RPN1: variants seen among roughly 807,000 people sequenced by gnomAD.
The protein encoded by RPN1 is ribophorin I.
Under a neutral mutation model 55.5 loss-of-function variants are expected in RPN1, and 12 were observed. That is an observed-to-expected ratio of 0.22 (90% CI 0.14 to 0.35). The LOEUF (loss-of-function observed/expected upper bound fraction) is 0.35, where lower values mean the gene tolerates loss of function less well. RPN1 is among the 10% of genes least tolerant of loss of function. The probability of loss-of-function intolerance (pLI) is 1.00; values close to 1 mark genes in which losing one functional copy is unlikely to be tolerated. For missense variants in RPN1, 679 were observed against 761.3 expected (o/e 0.89, Z 1.27); for synonymous variants, 317 against 305.9 (o/e 1.04, Z -0.38).
chr3:128,643,328 CA>C (rs112467322), intron 2 of RPN1, among the ~76,000 whole-genome samples: 179 of 105,092 alleles, frequency 1.7e-3, no homozygotes, highest in Admixed American at 3.2e-3. Context: ...ACTCCATCTC[CA>C]AAAAAAAAAA....
In RPN1 at chr3:128,625,922, A is replaced by G. The variant is rs151268224; in HGVS notation, c.1227T>C (p.Ile409=). The part of the protein sequence containing the change: ...TYLDTFGRPV[I]VAYKKNLVEQ... ...CTACCAGATTTTTCTTGTAGGCAACAATCACAGGGCGGCCAAATGTGTCCA... is the reference window on the plus strand; with the variant it reads ...CTACCAGATTTTTCTTGTAGGCAACGATCACAGGGCGGCCAAATGTGTCCA... The change falls in exon 7 of 10, where the codon ATT becomes ATC. Residue 409 remains isoleucine, a synonymous_variant. Transcript: ENST00000296255. 190 of 1,613,962 alleles carry G rather than the reference A, an allele frequency of 1.2e-4. No individual in the cohort carries two copies. The African/African-American group carries it at 2.3e-3, about 20-fold the overall frequency.
At chr3:128,642,971 C>A (rs746628990) in intron 2 of RPN1, among the ~76,000 whole-genome samples, 1 of 150,948 alleles carries the variant, frequency 6.6e-6, no homozygotes, top group Non-Finnish European at 1.5e-5. Context: ...GAGCCGAGAT[C>A]ACGTGCCATT....
chr3:128,623,091 A>G (rs1325025651), intron 8 of RPN1, among the ~76,000 whole-genome samples: 1 of 152,132 alleles, frequency 6.6e-6, no homozygotes, highest in Non-Finnish European at 1.5e-5. Flanking sequence ...CTACAACACC[A>G]CAAATGTCAA....
At position 128,644,919 on chromosome 3, in the gene RPN1, C is replaced by T; in HGVS notation, c.326G>A (p.Ser109Asn). The change falls in exon 2 of 10, where the codon AGT becomes AAT. Residue 109 changes from serine to asparagine, a missense_variant and splice_region_variant. Transcript: ENST00000296255. ...EVRETKIKGK[S>N]GRFFTVKLPV... is the part of the protein sequence containing the mutation. ...CAAGGTATATTGTTTGTCAGCTTACCTTTTACCCTTAATTTTGGTTTCACG... is the reference window on the plus strand; with the variant it reads ...CAAGGTATATTGTTTGTCAGCTTACTTTTTACCCTTAATTTTGGTTTCACG... 2 of 1,519,370 alleles carry T rather than the reference C, an allele frequency of 1.3e-6. No homozygotes were observed. The highest frequency in any genetic ancestry group is 1.8e-6 in the Non-Finnish European group (2 of 1,093,722). 94.1% of individuals were successfully genotyped at this position (1,519,370 alleles called of 1,614,324 possible).
intron 2 of RPN1, 117 bp downstream of exon 2, chr3:128,644,802 A>G (rs1397100143): frequency 1.5e-6 from 1 of 683,390 alleles, no homozygotes; most frequent in East Asian, 2.6e-5. Flanking sequence ...CTACAAAAAA[A>G]AAACCCTGTA....
At chr3:128,632,912 C>T (rs2811490) in intron 3 of RPN1, among the ~76,000 whole-genome samples, 93,543 of 151,990 alleles carry the variant, frequency 0.62, 28,920 homozygotes, top group East Asian at 0.77. Context: ...GTGCCCAGCC[C>T]GATTTCACTC....
chr3:128,636,875 C>T (rs940722822), intron 3 of RPN1, among the ~76,000 whole-genome samples: 9 of 151,996 alleles, frequency 5.9e-5, no homozygotes, highest in African/African-American at 2.2e-4. Context: ...GTCTAAAATA[C>T]CCATATTTTT....
At chr3:128,649,425 CTA>C (rs1278747708) in intron 1 of RPN1, among the ~76,000 whole-genome samples, 1 of 152,190 alleles carries the variant, frequency 6.6e-6, no homozygotes, top group African/African-American at 2.4e-5. Flanking sequence ...AAGTTTTGAT[CTA>C]TCTTTCCACA....
chr3:128,625,863 G>A lies in RPN1; in HGVS notation c.1275+11C>T. The A allele has an allele frequency of 3.7e-6, 6 of 1,604,956 alleles. No homozygotes were observed. Among genetic ancestry groups the A allele is most frequent in the Non-Finnish European group, 5.1e-6 (6 of 1,175,936 alleles). On this transcript the variant is annotated intron_variant, in intron 7 of 9. Coordinates refer to ENST00000296255, the MANE Select transcript of RPN1 (RefSeq NM_002950.4). The stretch of plus-strand genomic sequence containing the variant: ...AAGACGCCATGGAAGGCAAACAGTG[G>A]AGCCACTCACCACAATGTCCTGAAT...
At chr3:128,637,531 T>A (rs2069689633) in intron 3 of RPN1, among the ~76,000 whole-genome samples, 3 of 152,140 alleles carry the variant, frequency 2.0e-5, no homozygotes, top group Non-Finnish European at 4.4e-5. Flanking sequence ...TTGTCCCTCT[T>A]ACTGCCTCTG....
intron 1 of RPN1, among the ~76,000 whole-genome samples, chr3:128,647,008 C>T (rs187826889): frequency 1.3e-5 from 2 of 151,852 alleles, no homozygotes; most frequent in African/African-American, 4.8e-5. Flanking sequence ...TGGCAAAATA[C>T]CCTTGGGGAG....
intron 1 of RPN1, 68 bp from the exon 2 acceptor site, chr3:128,645,051 C>G: frequency 1.1e-6 from 1 of 902,870 alleles, no homozygotes; most frequent in Non-Finnish European, 1.9e-6. Flanking sequence ...AATAATTAAC[C>G]AAGTGCTTTA....
At position 128,625,614 on chromosome 3, in the gene RPN1, G is replaced by T; in HGVS notation, c.1315C>A (p.Pro439Thr). 6.2e-7 allele frequency: 1 copy of T among 1,614,108 alleles called. No individual in the cohort carries two copies. Among genetic ancestry groups the T allele is most frequent in the Non-Finnish European group, 8.5e-7 (1 of 1,180,024 alleles). ...TAGAAGGCCGCCACCACCAGCAGGG[G>T]CTCCTGCAGCATGAGCACCTTGTTG... ...TFNKVLMLQE[P>T]LLVVAAFYIL... The change falls in exon 8 of 10, where the codon CCC becomes ACC. Residue 439 changes from proline (P) to threonine (T), a missense_variant. By Grantham distance (38) the Pro-to-Thr change is conservative. Coordinates refer to ENST00000296255, the MANE Select transcript of RPN1 (RefSeq NM_002950.4).
At chr3:128,641,879 G>A (rs2069728381) in intron 2 of RPN1, among the ~76,000 whole-genome samples, 1 of 152,106 alleles carries the variant, frequency 6.6e-6, no homozygotes, top group South Asian at 2.1e-4. Context: ...CCAAAGTGCT[G>A]GGATTACAGG....
At chr3:128,635,642 T>TATATATATATATATATATATAG (rs1559755828) in intron 3 of RPN1, among the ~76,000 whole-genome samples, 52 of 8,044 alleles carry the variant, frequency 6.5e-3, no homozygotes, top group South Asian at 0.024. Flanking sequence ...TATATATAGA[T>TATATATATATATATATATATAG]ATATATATAT....
At chr3:128,636,446 T>C (rs2069682524) in intron 3 of RPN1, among the ~76,000 whole-genome samples, 1 of 146,888 alleles carries the variant, frequency 6.8e-6, no homozygotes, top group Admixed American at 7.0e-5. Context: ...GAATGACAGA[T>C]CAAGACTCCT....
intron 1 of RPN1, 114 bp from the exon 2 acceptor site, chr3:128,645,097 T>C: frequency 1.5e-6 from 1 of 650,816 alleles, no homozygotes; most frequent in Non-Finnish European, 2.8e-6. Flanking sequence ...CTATCAGAAC[T>C]TTTTAGAGAT....
chr3:128,640,751 CCT>C (rs1348166322), intron 2 of RPN1, among the ~76,000 whole-genome samples: 1 of 152,128 alleles, frequency 6.6e-6, no homozygotes, highest in East Asian at 1.9e-4. Context: ...CTCAGAAATT[CCT>C]CTCAGACCCA....
At chr3:128,644,689 TG>T in intron 2 of RPN1, 1 of 651,920 alleles carries the variant, frequency 1.5e-6, no homozygotes. Flanking sequence ...ACAGATGCAG[TG>T]GTTCACACCT....
Sources: allele counts gnomAD v4.1 joint callset (sites outside exome capture counted in the v4.1 genomes callset), GRCh38; gene constraint gnomAD v4.1.1; transcripts MANE v1.5; gene names NCBI Gene and HGNC (gene_info 2026-07-23, HGNC 2026-07-21).